IPO11: variants seen among roughly 807,000 people sequenced by gnomAD.
IPO11 encodes importin-11.
A neutral mutation model predicts 143.2 loss-of-function variants in IPO11; 66 were observed. The observed-to-expected ratio is 0.46, with a 90% CI of 0.38 to 0.57. IPO11 has a LOEUF of 0.57. Among genes scored for constraint, IPO11 ranks in the 20% least tolerant of loss-of-function variants. The probability of loss-of-function intolerance (pLI) is 0.00; values close to 1 mark genes in which losing one functional copy is unlikely to be tolerated. For missense variants in IPO11, 1,026 were observed against 1,141.0 expected, an observed-to-expected ratio of 0.90 and a Z score of 1.45; for synonymous variants, 385 against 377.8, an observed-to-expected ratio of 1.02 and a Z score of -0.22.
At chr5:62,556,083 T>C (rs887472703) in intron 26 of IPO11, among the ~76,000 whole-genome samples, 1 of 152,234 alleles carries the variant, frequency 6.6e-6, no homozygotes. Flanking sequence ...TAATTTAACA[T>C]TGATATTTTT....
At chr5:62,527,673 G>T (rs762847023) in intron 21 of IPO11, among the ~76,000 whole-genome samples, 5 of 151,794 alleles carry the variant, frequency 3.3e-5, no homozygotes, top group Non-Finnish European at 7.4e-5. Flanking sequence ...ACATTAAAAA[G>T]TAATAATAAA....
At chr5:62,568,593 A>AAAAAAAAAAAAATTC (rs1199624803) in intron 27 of IPO11, among the ~76,000 whole-genome samples, 1 of 150,874 alleles carries the variant, frequency 6.6e-6, no homozygotes, top group African/African-American at 2.4e-5. Flanking sequence ...AAAAAAAAAA[A>AAAAAAAAAAAAATTC]AAAATTCAAT....
At chr5:62,522,580 C>T (rs1265131976) in intron 20 of IPO11, among the ~76,000 whole-genome samples, 4 of 152,102 alleles carry the variant, frequency 2.6e-5, no homozygotes, top group Admixed American at 2.0e-4. Flanking sequence ...CCACTGCTCC[C>T]GGCCATAATT....
intron 9 of IPO11, among the ~76,000 whole-genome samples, chr5:62,479,102 G>A (rs147951274): frequency 6.6e-6 from 1 of 152,084 alleles, no homozygotes; most frequent in East Asian, 1.9e-4. Flanking sequence ...CCACCCCACG[G>A]CAGGCCCCGG....
At chr5:62,587,743 A>G (rs1744848285) in intron 27 of IPO11, among the ~76,000 whole-genome samples, 1 of 147,330 alleles carries the variant, frequency 6.8e-6, no homozygotes, top group African/African-American at 2.6e-5. Flanking sequence ...GCTCTGGTAC[A>G]TGTGGCAGGC....
intron 29 of IPO11, among the ~76,000 whole-genome samples, chr5:62,607,357 G>A (rs1171519729): frequency 6.6e-6 from 1 of 151,962 alleles, no homozygotes; most frequent in Admixed American, 6.6e-5. Flanking sequence ...GCACCCTGTG[G>A]TAGTGGCTTG....
intron 20 of IPO11, among the ~76,000 whole-genome samples, chr5:62,523,743 T>C (rs1421701782): frequency 2.0e-5 from 3 of 152,158 alleles, no homozygotes; most frequent in Non-Finnish European, 2.9e-5. Flanking sequence ...GTATTAGAAG[T>C]TGAGATAACC....
At chr5:62,625,065 A>G (rs73110026) in intron 29 of IPO11, among the ~76,000 whole-genome samples, 4,659 of 152,158 alleles carry the variant, frequency 0.031, 235 homozygotes, top group African/African-American at 0.11. Context: ...TTTCTGAAAA[A>G]TTATAATTGG....
At chr5:62,447,292 A>G (rs1744753328) in intron 3 of IPO11, among the ~76,000 whole-genome samples, 4 of 151,930 alleles carry the variant, frequency 2.6e-5, no homozygotes. Flanking sequence ...TTTTGTAGAG[A>G]TGGGGTCTTG....
intron 16 of IPO11, among the ~76,000 whole-genome samples, chr5:62,500,884 G>A (rs765519670): frequency 6.6e-6 from 1 of 152,180 alleles, no homozygotes; most frequent in Non-Finnish European, 1.5e-5. Context: ...AATGTGATGT[G>A]TTTTGACAGC....
chr5:62,487,708 A>G, intron 12 of IPO11, 63 bp from the exon 13 acceptor site: 2 of 1,332,406 alleles, frequency 1.5e-6, no homozygotes, highest in Admixed American at 2.9e-5. Context: ...TTGCTTTATT[A>G]AAGAATTAGT....
chr5:62,524,562 C>G (rs533280255), intron 20 of IPO11, among the ~76,000 whole-genome samples: 1 of 152,036 alleles, frequency 6.6e-6, no homozygotes, highest in African/African-American at 2.4e-5. Flanking sequence ...TTTTAAGGCC[C>G]AATATGTACT....
chr5:62,502,803 C>T (rs1741393566), intron 16 of IPO11, among the ~76,000 whole-genome samples: 1 of 151,544 alleles, frequency 6.6e-6, no homozygotes, highest in Non-Finnish European at 1.5e-5. Flanking sequence ...TTTTCTTTTC[C>T]TTTCCTTTCC....
At chr5:62,475,690 CTG>C (rs893637038) in intron 8 of IPO11, among the ~76,000 whole-genome samples, 24 of 152,336 alleles carry the variant, frequency 1.6e-4, no homozygotes, top group African/African-American at 5.8e-4. Context: ...TTGCATATCA[CTG>C]TGATATAACT....
intron 5 of IPO11, among the ~76,000 whole-genome samples, chr5:62,460,667 A>G (rs929573710): frequency 2.0e-5 from 3 of 152,222 alleles, no homozygotes; most frequent in African/African-American, 7.2e-5. Flanking sequence ...CAGCCACTAA[A>G]CAGTCAGTAG....
At chr5:62,623,976 A>AT (rs1248195423) in intron 29 of IPO11, among the ~76,000 whole-genome samples, 1 of 151,226 alleles carries the variant, frequency 6.6e-6, no homozygotes, top group East Asian at 2.0e-4. Context: ...TGTTCATGAG[A>AT]TTTTTTGGGA....
intron 16 of IPO11, among the ~76,000 whole-genome samples, chr5:62,498,093 C>G (rs1437158432): frequency 6.6e-6 from 1 of 151,838 alleles, no homozygotes; most frequent in African/African-American, 2.4e-5. Flanking sequence ...GTAGGAAATG[C>G]ATTCTTATAG....
rs559426547 is a variant in IPO11 at position 62,494,848 on chromosome 5, AT to A, written c.1590+734del. ...AATTTGTTTTAGGTAAAATTAAGTG[AT>A]TTTTTTTTTCTCCCCTGAGTTGTGC... On this transcript the variant is annotated intron_variant, in intron 16 of 29. Coordinates refer to ENST00000325324, the MANE Select transcript of IPO11 (RefSeq NM_016338.5). Among the ~76,000 whole-genome samples, 85 of 149,198 alleles carry A rather than the reference AT, an allele frequency of 5.7e-4. 1 individual carries two copies. Among genetic ancestry groups the A allele is most frequent in the African/African-American group, 1.6e-3 (66 of 40,598 alleles).
In IPO11 at chr5:62,476,772, T is replaced by G; in HGVS notation, c.828+19T>G. 3 of 1,500,714 alleles carry G rather than the reference T, an allele frequency of 2.0e-6. No individual in the cohort carries two copies. The highest frequency in any genetic ancestry group is 1.4e-5 in the African/African-American group (1 of 70,262). 93.0% of individuals were successfully genotyped at this position (1,500,714 alleles called of 1,614,324 possible). A position where few individuals can be genotyped will look rare whatever the true frequency, so the allele number is the denominator to read the frequency against. On this transcript the variant is annotated intron_variant, in intron 9 of 29. Transcript: ENST00000325324. ...TAAAGTGGTAAGTTTTTTAAAAACT[T>G]GTTTTCTCAAATATAATACACATAT... is the stretch of plus-strand genomic sequence containing the variant.
Sources: allele counts gnomAD v4.1 joint callset (sites outside exome capture counted in the v4.1 genomes callset), GRCh38; gene constraint gnomAD v4.1.1; transcripts MANE v1.5; gene names NCBI Gene and HGNC (gene_info 2026-07-23, HGNC 2026-07-21).